The following SEMA3E variants were observed in gnomAD, a reference collection of about 807,000 sequenced individuals.
SEMA3E encodes the protein semaphorin 3E, also known as semaphorin-3E.
In SEMA3E, 49 loss-of-function variants were observed where a neutral mutation model predicts 93.6. The observed-to-expected ratio is 0.52, with a 90% CI of 0.42 to 0.66. SEMA3E has a LOEUF of 0.66. Among genes scored for constraint, SEMA3E ranks in the 30% least tolerant of loss-of-function variants. SEMA3E has a pLI of 0.00. For missense variants in SEMA3E, 906 were observed against 964.8 expected (o/e 0.94, Z 0.81); for synonymous variants, 363 against 330.7 (o/e 1.10, Z -1.06).
In SEMA3E at chr7:83,367,651, G is replaced by T. The variant is rs1794690603; in HGVS notation, c.2263C>A (p.Gln755Lys). ...SPSKWKYANP[Q>K]EKKLRSKPEH... is the part of the protein sequence containing the mutation. Reference sequence around the variant, plus strand: ...GGTTTGGAACGGAGCTTCTTTTCCTGAGGGTTGGCATACTTCCACTTGGAG... The same window carrying T: ...GGTTTGGAACGGAGCTTCTTTTCCTTAGGGTTGGCATACTTCCACTTGGAG... Residue 755 changes from glutamine (Q) to lysine (K), a missense_variant, in exon 17 of 17, where the codon CAG becomes AAG. Transcript: ENST00000643230. The T allele has an allele frequency of 1.2e-6, 2 of 1,614,008 alleles. No individual in the cohort carries two copies. The highest frequency in any genetic ancestry group is 1.7e-6 in the Non-Finnish European group (2 of 1,180,026).
At chr7:83,494,253 C>A in intron 1 of SEMA3E, among the ~76,000 whole-genome samples, 1 of 150,126 alleles carries the variant, frequency 6.7e-6, no homozygotes, top group South Asian at 2.1e-4. Flanking sequence ...TCAGCCTTCC[C>A]AAAATCCAAA....
chr7:83,481,132 CTTT>C, intron 2 of SEMA3E, among the ~76,000 whole-genome samples: 1 of 151,946 alleles, frequency 6.6e-6, no homozygotes. Context: ...CTTATAAACA[CTTT>C]TTTTTAAGAG....
chr7:83,600,464 C>T (rs577391709), intron 1 of SEMA3E, among the ~76,000 whole-genome samples: 12 of 144,554 alleles, frequency 8.3e-5, no homozygotes, highest in South Asian at 6.6e-4. Flanking sequence ...GGACTACAGG[C>T]GCCCGCCACC....
chr7:83,591,368 C>T (rs1489195663), intron 1 of SEMA3E, among the ~76,000 whole-genome samples: 1 of 151,658 alleles, frequency 6.6e-6, no homozygotes, highest in East Asian at 1.9e-4. Flanking sequence ...ACATTCTGTA[C>T]ATTGCTTAAT....
At chr7:83,386,328 T>C (rs995192407) in intron 15 of SEMA3E, among the ~76,000 whole-genome samples, 1 of 152,096 alleles carries the variant, frequency 6.6e-6, no homozygotes, top group Non-Finnish European at 1.5e-5. Flanking sequence ...CTTCTTATTA[T>C]TACTTCCTAG....
rs1294157083 is a variant in SEMA3E at position 83,418,477 on chromosome 7, G to T, written c.463C>A (p.Leu155Met). ...GATCTGGGTGATTCCAGGTGAAACA[G>T]AGGATCCTTGAAAGAAAACCAGAAA... is the stretch of plus-strand genomic sequence containing the variant. ...IRVGYHLEDP[L>M]FHLESPRSER... is the part of the protein sequence containing the mutation. Residue 155 changes from leucine (L) to methionine (M), a missense_variant, in exon 5 of 17, where the codon CTG becomes ATG. Leu to Met is a conservative substitution (Grantham distance 15, BLOSUM62 2). Coordinates refer to ENST00000643230, the MANE Select transcript of SEMA3E (RefSeq NM_012431.3). The T allele has an allele frequency of 1.2e-6, 2 of 1,609,344 alleles. No homozygotes were observed. Among genetic ancestry groups the T allele is most frequent in the Non-Finnish European group, 8.5e-7 (1 of 1,177,230 alleles).
chr7:83,405,398 G>C lies in SEMA3E; in HGVS notation c.998+52C>G, dbSNP rs1788308084. 14 of 1,288,232 alleles carry C rather than the reference G, an allele frequency of 1.1e-5. No individual in the cohort carries two copies. The East Asian group carries it at 3.2e-4, about 30-fold the overall frequency. The allele number at this position is 1,288,232 out of a possible 1,614,324, so 79.8% of individuals were successfully genotyped here. ...ATATACACCATGAAGGGAGAGTCCG[G>C]TGAGGCATCTCTTGTTCTATATTGT... On this transcript the variant is annotated intron_variant, in intron 9 of 16. Coordinates refer to ENST00000643230, the MANE Select transcript of SEMA3E (RefSeq NM_012431.3).
At chr7:83,525,204 TTA>T (rs1164565276) in intron 1 of SEMA3E, among the ~76,000 whole-genome samples, 1 of 152,116 alleles carries the variant, frequency 6.6e-6, no homozygotes, top group Non-Finnish European at 1.5e-5. Context: ...CTCCTGGATT[TTA>T]GAGTTGAAGC....
intron 4 of SEMA3E, among the ~76,000 whole-genome samples, chr7:83,434,168 G>A (rs1163402208): frequency 3.3e-5 from 5 of 151,890 alleles, no homozygotes; most frequent in African/African-American, 4.8e-5. Flanking sequence ...GAAACTTTCC[G>A]TCAAATGAAC....
At chr7:83,560,804 G>A (rs1792016227) in intron 1 of SEMA3E, among the ~76,000 whole-genome samples, 1 of 151,872 alleles carries the variant, frequency 6.6e-6, no homozygotes, top group Admixed American at 6.6e-5. Context: ...TAATTTTTCA[G>A]AAGATTGCTT....
At chr7:83,470,870 T>TTA (rs1789878863) in intron 2 of SEMA3E, among the ~76,000 whole-genome samples, 1 of 129,098 alleles carries the variant, frequency 7.7e-6, no homozygotes, top group South Asian at 2.4e-4. Context: ...TTCTTTTTTT[T>TTA]TTTTTTTTGG....
chr7:83,514,157 C>T lies in SEMA3E; in HGVS notation c.116-23883G>A, dbSNP rs151182426. Among the ~76,000 whole-genome samples the T allele has an allele frequency of 3.7e-3, 567 of 152,228 alleles. 4 individuals are homozygous for T. The highest frequency in any genetic ancestry group is 0.013 in the African/African-American group (527 of 41,546). On this transcript the variant is annotated intron_variant, in intron 1 of 16. Transcript: ENST00000643230. ...ATGCCATGGCAATGTCAAGAAGTTA[C>T]CCTATATAGTCTAAAAAGGGGGGTG...
chr7:83,613,985 T>C (rs1171908158), intron 1 of SEMA3E, among the ~76,000 whole-genome samples: 2 of 152,078 alleles, frequency 1.3e-5, no homozygotes, highest in Non-Finnish European at 2.9e-5. Flanking sequence ...AAAATATCAC[T>C]GAGTCTCTAA....
At chr7:83,525,791 T>G (rs1791146043) in intron 1 of SEMA3E, among the ~76,000 whole-genome samples, 1 of 150,794 alleles carries the variant, frequency 6.6e-6, no homozygotes, top group African/African-American at 2.4e-5. Flanking sequence ...TGGGTTTTTT[T>G]TTTTTTTTTT....
At chr7:83,376,810 G>A (rs1183559896) in intron 16 of SEMA3E, among the ~76,000 whole-genome samples, 1 of 151,920 alleles carries the variant, frequency 6.6e-6, no homozygotes, top group African/African-American at 2.4e-5. Flanking sequence ...CTATTTTAAA[G>A]TGATACACTT....
chr7:83,455,898 C>G (rs968441952), intron 4 of SEMA3E, among the ~76,000 whole-genome samples: 1 of 152,166 alleles, frequency 6.6e-6, no homozygotes, highest in African/African-American at 2.4e-5. Context: ...CCTCATGAAC[C>G]CGGAATATGA....
chr7:83,499,647 C>T (rs17157664), intron 1 of SEMA3E, among the ~76,000 whole-genome samples: 3,285 of 152,062 alleles, frequency 0.022, 119 homozygotes, highest in African/African-American at 0.076. Context: ...TGTAGAAATT[C>T]GTGTATCACT....
chr7:83,400,269 A>T lies in SEMA3E; in HGVS notation c.1144-19T>A. 6 of 1,609,902 alleles carry T rather than the reference A, an allele frequency of 3.7e-6. No individual in the cohort carries two copies. The highest frequency in any genetic ancestry group is 5.1e-6 in the Non-Finnish European group (6 of 1,176,236). ...TGGCACACTGAAAAACAAGTGGATC[A>T]GATAATTCTTTTTGCTTTACACCCA... On this transcript the variant is annotated intron_variant, in intron 10 of 16. Transcript: ENST00000643230.
chr7:83,476,799 A>G (rs1790020664), intron 2 of SEMA3E, among the ~76,000 whole-genome samples: 1 of 152,198 alleles, frequency 6.6e-6, no homozygotes, highest in Non-Finnish European at 1.5e-5. Flanking sequence ...TGCACAAAAC[A>G]TTTTTAAAGG....
Sources: gnomAD v4.1 joint callset for allele counts (sites outside exome capture counted in the v4.1 genomes callset) on GRCh38, gnomAD v4.1.1 for gene constraint, MANE v1.5 for transcripts, NCBI Gene and HGNC (gene_info 2026-07-23, HGNC 2026-07-21) for gene names.